SPMAP2L: variants seen among roughly 807,000 people sequenced by gnomAD.
SPMAP2L encodes sperm microtubule associated protein 2 like.
chr4:56,615,935 A>G, the SPMAP2L span, among the ~76,000 whole-genome samples: 1 of 152,148 alleles, frequency 6.6e-6, no homozygotes, highest in Non-Finnish European at 1.5e-5. Context: ...GTGCTGCTCA[A>G]AATTTAGCTG....
the SPMAP2L span, among the ~76,000 whole-genome samples, chr4:56,534,928 T>TCAACAACAACAACAAA: frequency 4.2e-3 from 634 of 151,990 alleles, 7 homozygotes; most frequent in African/African-American, 0.015. Flanking sequence ...AAACTCCATC[T>TCAACAACAACAACAAA]CAACAACAAC....
the SPMAP2L span, among the ~76,000 whole-genome samples, chr4:56,571,481 T>G: frequency 6.6e-6 from 1 of 151,944 alleles, no homozygotes; most frequent in Non-Finnish European, 1.5e-5. Context: ...CCTGGTTAAT[T>G]GTTTTGGATT....
chr4:56,596,048 C>A, the SPMAP2L span, among the ~76,000 whole-genome samples: 1 of 152,188 alleles, frequency 6.6e-6, no homozygotes, highest in East Asian at 1.9e-4. Flanking sequence ...ATCCAGGAGA[C>A]TTAATAGACA....
chr4:56,595,424 T>A, the SPMAP2L span: 5 of 1,607,352 alleles, frequency 3.1e-6, no homozygotes, highest in Non-Finnish European at 4.3e-6. Flanking sequence ...TGTGATGCCA[T>A]GATCAGCATT....
chr4:56,574,288 G>A, the SPMAP2L span, among the ~76,000 whole-genome samples: 1 of 152,142 alleles, frequency 6.6e-6, no homozygotes, highest in Non-Finnish European at 1.5e-5. Flanking sequence ...GCATGGTGAT[G>A]CAAACTTGTA....
At chr4:56,597,117 C>T in the SPMAP2L span, among the ~76,000 whole-genome samples, 1 of 152,100 alleles carries the variant, frequency 6.6e-6, no homozygotes, top group Admixed American at 6.5e-5. Flanking sequence ...TCAGTGAAGG[C>T]CTCTCTAAGG....
the SPMAP2L span, chr4:56,595,772 TTTGATAAG>T: frequency 2.5e-6 from 2 of 809,614 alleles, no homozygotes; most frequent in Non-Finnish European, 4.5e-6. Context: ...CCCCAGAGCA[TTTGATAAG>T]CAAGAAAGAT....
At chr4:56,542,723 T>C in the SPMAP2L span, among the ~76,000 whole-genome samples, 1 of 150,214 alleles carries the variant, frequency 6.7e-6, no homozygotes, top group African/African-American at 2.5e-5. Flanking sequence ...TCCTCTAGCA[T>C]CACACTTTGA....
the SPMAP2L span, among the ~76,000 whole-genome samples, chr4:56,541,205 G>A: frequency 6.6e-6 from 1 of 151,908 alleles, no homozygotes; most frequent in Non-Finnish European, 1.5e-5. Context: ...GTATATTCTT[G>A]AATATAACGA....
At chr4:56,557,257 CAA>C in the SPMAP2L span, among the ~76,000 whole-genome samples, 83 of 126,964 alleles carry the variant, frequency 6.5e-4, no homozygotes, top group Admixed American at 7.9e-4. Flanking sequence ...GACTCTGTCT[CAA>C]AAAAAAAAAA....
the SPMAP2L span, among the ~76,000 whole-genome samples, chr4:56,590,720 A>T: frequency 1.3e-5 from 2 of 152,242 alleles, no homozygotes; most frequent in Non-Finnish European, 2.9e-5. Context: ...ATTGACTAAG[A>T]AATATTTGTT....
At chr4:56,547,242 CTTTT>C in the SPMAP2L span, among the ~76,000 whole-genome samples, 25 of 125,912 alleles carry the variant, frequency 2.0e-4, no homozygotes, top group Non-Finnish European at 1.9e-4. Context: ...TACTAATTCT[CTTTT>C]TTTTTTTTTT....
chr4:56,608,332 A>T, the SPMAP2L span, among the ~76,000 whole-genome samples: 1 of 152,234 alleles, frequency 6.6e-6, no homozygotes, highest in Non-Finnish European at 1.5e-5. Flanking sequence ...GTTGTAAAGG[A>T]TAAGAAGCAT....
At chr4:56,579,175 C>T in the SPMAP2L span, among the ~76,000 whole-genome samples, 1 of 152,066 alleles carries the variant, frequency 6.6e-6, no homozygotes, top group Non-Finnish European at 1.5e-5. Flanking sequence ...TTCAAGTGTA[C>T]ATGGAACATT....
the SPMAP2L span, chr4:56,595,727 T>C: frequency 3.2e-6 from 3 of 946,164 alleles, no homozygotes; most frequent in Admixed American, 3.4e-5. Flanking sequence ...CTTAGTCCTC[T>C]CTCCCTAAGT....
chr4:56,601,623 G>T, the SPMAP2L span, among the ~76,000 whole-genome samples: 758 of 152,204 alleles, frequency 5.0e-3, 6 homozygotes, highest in African/African-American at 0.017. Context: ...TTAGCCAGGT[G>T]TGGTGGCATG....
chr4:56,549,994 A>G, the SPMAP2L span, among the ~76,000 whole-genome samples: 1 of 152,164 alleles, frequency 6.6e-6, no homozygotes, highest in Admixed American at 6.5e-5. Context: ...GGTTCATATC[A>G]ATGGTTCCTG....
chr4:56,618,739 GT>G, the SPMAP2L span, among the ~76,000 whole-genome samples: 1 of 152,192 alleles, frequency 6.6e-6, no homozygotes, highest in East Asian at 1.9e-4. Flanking sequence ...GCCAAACCAT[GT>G]CAAAAGGCTT....
chr4:56,578,675 C>A, the SPMAP2L span, among the ~76,000 whole-genome samples: 978 of 151,946 alleles, frequency 6.4e-3, 15 homozygotes, highest in African/African-American at 0.022. Flanking sequence ...GCACGCCAAC[C>A]AAAAAAGACC....
Sources: allele counts gnomAD v4.1 joint callset (sites outside exome capture counted in the v4.1 genomes callset), GRCh38; gene constraint gnomAD v4.1.1; transcripts MANE v1.5; gene names NCBI Gene and HGNC (gene_info 2026-07-23, HGNC 2026-07-21).